The following PCSK6 variants were observed in gnomAD, a reference collection of about 807,000 sequenced individuals.
PCSK6 encodes the protein proprotein convertase subtilisin/kexin type 6, also known as paired basic amino acid cleaving enzyme 4.
PCSK6 carries 85 observed loss-of-function variants against 123.3 expected under a neutral mutation model. That is an observed-to-expected ratio of 0.69 (90% CI 0.58 to 0.83). PCSK6 has a LOEUF of 0.83. Among genes scored for constraint, PCSK6 ranks in the 40% least tolerant of loss-of-function variants. The pLI is 0.00. For missense variants in PCSK6, 1,191 were observed against 1,282.3 expected, an observed-to-expected ratio of 0.93 and a Z score of 1.09; for synonymous variants, 508 against 516.0, an observed-to-expected ratio of 0.98 and a Z score of 0.21.
At chr15:101,341,506 G>C (rs11630991) in intron 13 of PCSK6, among the ~76,000 whole-genome samples, 20,560 of 151,846 alleles carry the variant, frequency 0.14, 1,661 homozygotes, top group African/African-American at 0.21. Flanking sequence ...AGGTGATCTG[G>C]CCACCTTGGC....
At chr15:101,391,593 A>T (rs571915417) in intron 8 of PCSK6, among the ~76,000 whole-genome samples, 18 of 152,368 alleles carry the variant, frequency 1.2e-4, no homozygotes, top group African/African-American at 4.3e-4. Flanking sequence ...ACCACAGGAC[A>T]TCCCTCGCTC....
chr15:101,414,741 CAGAT>C (rs1432590501), intron 6 of PCSK6, among the ~76,000 whole-genome samples: 53 of 151,854 alleles, frequency 3.5e-4, no homozygotes, highest in Admixed American at 3.5e-3. Context: ...GATTGGTAGA[CAGAT>C]GGACGGACAG....
chr15:101,390,353 C>CA (rs2042194346), intron 8 of PCSK6, among the ~76,000 whole-genome samples: 3 of 50,706 alleles, frequency 5.9e-5, no homozygotes, highest in African/African-American at 1.9e-4. Context: ...GTGGGATTGT[C>CA]GCCCCATCAT....
At chr15:101,307,500 C>T in intron 20 of PCSK6, 175 bp from the exon 21 acceptor site, 1 of 586,462 alleles carries the variant, frequency 1.7e-6, no homozygotes, top group Non-Finnish European at 3.1e-6. Context: ...GTCTGCATGT[C>T]TTTTCTCCTG....
intron 1 of PCSK6, among the ~76,000 whole-genome samples, chr15:101,448,445 A>G (rs1337858535): frequency 1.3e-5 from 2 of 152,236 alleles, no homozygotes; most frequent in East Asian, 3.8e-4. Context: ...AAGGGTACAG[A>G]GTTAGTGGGG....
At chr15:101,475,115 C>G (rs12905213) in intron 1 of PCSK6, among the ~76,000 whole-genome samples, 113,600 of 152,108 alleles carry the variant, frequency 0.75, 43,314 homozygotes, top group Non-Finnish European at 0.84. Flanking sequence ...ATTCTCCTCA[C>G]TTATCCTAAA....
At chr15:101,476,310 G>A (rs186632590) in intron 1 of PCSK6, among the ~76,000 whole-genome samples, 1 of 152,126 alleles carries the variant, frequency 6.6e-6, no homozygotes, top group Non-Finnish European at 1.5e-5. Flanking sequence ...CACAAGTGCA[G>A]AGTCATGAAT....
intron 2 of PCSK6, among the ~76,000 whole-genome samples, chr15:101,441,297 C>G (rs1222332787): frequency 6.6e-6 from 1 of 152,102 alleles, no homozygotes; most frequent in Admixed American, 6.5e-5. Context: ...TAAAATGGGT[C>G]AATCAAGCAG....
At chr15:101,472,268 C>T (rs1379371969) in intron 1 of PCSK6, among the ~76,000 whole-genome samples, 7 of 152,240 alleles carry the variant, frequency 4.6e-5, no homozygotes, top group Admixed American at 2.6e-4. Flanking sequence ...ACGCAGAAAT[C>T]AAACTGGGCT....
intron 11 of PCSK6, among the ~76,000 whole-genome samples, chr15:101,379,834 G>A (rs751122670): frequency 2.6e-5 from 4 of 152,220 alleles, no homozygotes; most frequent in African/African-American, 7.2e-5. Flanking sequence ...AGATGACCCC[G>A]ACCTGCAGGC....
intron 6 of PCSK6, among the ~76,000 whole-genome samples, chr15:101,416,201 G>C (rs912260457): frequency 6.6e-6 from 1 of 152,230 alleles, no homozygotes; most frequent in African/African-American, 2.4e-5. Context: ...GGTGGTCTCA[G>C]ATGGAGATGA....
intron 9 of PCSK6, among the ~76,000 whole-genome samples, chr15:101,384,923 GA>G (rs2042016662): frequency 6.6e-6 from 1 of 152,152 alleles, no homozygotes; most frequent in South Asian, 2.1e-4. Context: ...TCTTTTTGGG[GA>G]AGTAGAAACA....
At chr15:101,435,848 C>T (rs1362907145) in intron 2 of PCSK6, among the ~76,000 whole-genome samples, 1 of 152,136 alleles carries the variant, frequency 6.6e-6, no homozygotes, top group Non-Finnish European at 1.5e-5. Flanking sequence ...GGGCCCTGCC[C>T]GCGTTCCAGT....
At chr15:101,310,543 A>T (rs978020215) in intron 20 of PCSK6, among the ~76,000 whole-genome samples, 6 of 152,232 alleles carry the variant, frequency 3.9e-5, no homozygotes, top group African/African-American at 1.4e-4. Context: ...TGAAGGGTTT[A>T]ACTTCAGACA....
chr15:101,460,343 C>T (rs1480958015), intron 1 of PCSK6, among the ~76,000 whole-genome samples: 1 of 152,204 alleles, frequency 6.6e-6, no homozygotes, highest in South Asian at 2.1e-4. Flanking sequence ...CCTTCCTTCA[C>T]CAGTATTATG....
chr15:101,397,837 T>C (rs62018985), intron 7 of PCSK6, among the ~76,000 whole-genome samples: 2,551 of 152,354 alleles, frequency 0.017, 34 homozygotes, highest in Non-Finnish European at 0.028. Flanking sequence ...AGCCTCCCCT[T>C]GGCCCATCGG....
At chr15:101,371,190 G>C (rs1380993509) in intron 11 of PCSK6, among the ~76,000 whole-genome samples, 1 of 152,194 alleles carries the variant, frequency 6.6e-6, no homozygotes, top group Non-Finnish European at 1.5e-5. Flanking sequence ...CTGGGAGACA[G>C]AGCAAGGCTC....
At chr15:101,353,782 G>T (rs1490083482) in intron 13 of PCSK6, among the ~76,000 whole-genome samples, 3 of 152,154 alleles carry the variant, frequency 2.0e-5, no homozygotes, top group Non-Finnish European at 4.4e-5. Context: ...ACCTCACCAG[G>T]TTGGGTTGAG....
At chr15:101,370,226 C>A (rs6598454) in intron 12 of PCSK6, 109 bp downstream of exon 12, 6 of 919,778 alleles carry the variant, frequency 6.5e-6, no homozygotes, top group South Asian at 3.6e-5. Context: ...GAGTCCCCAA[C>A]GCCAGAGGGC....
Sources: gnomAD v4.1 joint callset for allele counts (sites outside exome capture counted in the v4.1 genomes callset) on GRCh38, gnomAD v4.1.1 for gene constraint, MANE v1.5 for transcripts, NCBI Gene and HGNC (gene_info 2026-07-23, HGNC 2026-07-21) for gene names.